The following PDE1A variants were observed in gnomAD, a reference collection of about 807,000 sequenced individuals.
PDE1A encodes the protein dual specificity calcium/calmodulin-dependent 3',5'-cyclic nucleotide phosphodiesterase 1A.
PDE1A carries 35 observed loss-of-function variants against 61.7 expected under a neutral mutation model. That is an observed-to-expected ratio of 0.57 (90% CI 0.43 to 0.75). The LOEUF (loss-of-function observed/expected upper bound fraction) is 0.75. Ranked by LOEUF, PDE1A falls within the 30% of genes least tolerant of loss-of-function variation. PDE1A has a pLI of 0.00. For synonymous variants in PDE1A, 232 were observed against 213.2 expected (o/e 1.09, Z -0.77); for missense variants, 597 against 630.6 (o/e 0.95, Z 0.57).
chr2:182,404,877 A>C (rs540883815), intron 1 of PDE1A, among the ~76,000 whole-genome samples: 3 of 152,326 alleles, frequency 2.0e-5, no homozygotes, highest in Admixed American at 6.5e-5. Context: ...TAACTTATTA[A>C]AAATATAAGT....
At chr2:182,190,880 C>T (rs1443851814) in intron 10 of PDE1A, among the ~76,000 whole-genome samples, 1 of 151,830 alleles carries the variant, frequency 6.6e-6, no homozygotes, top group Non-Finnish European at 1.5e-5. Flanking sequence ...CACTTGAACC[C>T]AAGAGGTAGA....
chr2:182,449,889 C>T (rs1685399636), intron 2 of PDE1A, among the ~76,000 whole-genome samples: 2 of 151,334 alleles, frequency 1.3e-5, no homozygotes, highest in African/African-American at 4.9e-5. Context: ...GAATTTTGAC[C>T]CCTCTATAGT....
chr2:182,692,709 A>G, the PDE1A span, among the ~76,000 whole-genome samples: 8 of 148,904 alleles, frequency 5.4e-5, no homozygotes, highest in Non-Finnish European at 1.2e-4. Context: ...TGTAATATAT[A>G]TAAAAGAAAG....
intron 1 of PDE1A, among the ~76,000 whole-genome samples, chr2:182,406,806 G>GA (rs937969634): frequency 2.0e-5 from 3 of 151,688 alleles, no homozygotes; most frequent in African/African-American, 7.3e-5. Flanking sequence ...TACAAGAAAT[G>GA]AAAAAAATGC....
chr2:182,271,594 T>A (rs1693030838), intron 1 of PDE1A, among the ~76,000 whole-genome samples: 1 of 152,130 alleles, frequency 6.6e-6, no homozygotes, highest in African/African-American at 2.4e-5. Flanking sequence ...AGAAATGCTT[T>A]CAAGATCAAT....
the PDE1A span, among the ~76,000 whole-genome samples, chr2:182,560,543 T>C: frequency 8.6e-5 from 13 of 151,446 alleles, no homozygotes; most frequent in African/African-American, 3.1e-4. Context: ...TGTGTCTTTA[T>C]AGCAGCATGA....
the PDE1A span, among the ~76,000 whole-genome samples, chr2:182,603,660 A>G: frequency 1.9e-4 from 29 of 152,246 alleles, no homozygotes; most frequent in African/African-American, 7.0e-4. Context: ...AAGAAGCTCA[A>G]GTAAAATGCA....
chr2:182,575,518 T>C, the PDE1A span, among the ~76,000 whole-genome samples: 1 of 151,608 alleles, frequency 6.6e-6, no homozygotes, highest in South Asian at 2.1e-4. Flanking sequence ...CAGAACATAA[T>C]GCCACAGGAA....
intron 2 of PDE1A, among the ~76,000 whole-genome samples, chr2:182,505,868 T>C (rs752460598): frequency 1.1e-4 from 16 of 152,174 alleles, no homozygotes; most frequent in Non-Finnish European, 2.1e-4. Context: ...AACAACATGA[T>C]AGAATTTCTG....
the PDE1A span, among the ~76,000 whole-genome samples, chr2:182,700,181 T>A: frequency 2.0e-5 from 3 of 152,244 alleles, no homozygotes; most frequent in South Asian, 6.2e-4. Flanking sequence ...AGTGATTTAC[T>A]CTCATGTTGG....
the PDE1A span, among the ~76,000 whole-genome samples, chr2:182,670,558 G>GA: frequency 6.6e-6 from 1 of 152,148 alleles, no homozygotes; most frequent in African/African-American, 2.4e-5. Flanking sequence ...TCACCTGGGG[G>GA]ATCTTGTTAA....
chr2:182,601,828 C>G, the PDE1A span, among the ~76,000 whole-genome samples: 1 of 152,192 alleles, frequency 6.6e-6, no homozygotes, highest in Admixed American at 6.5e-5. Context: ...GTCATTCCAT[C>G]ATCTGCTCAT....
Position 182,161,199 on chromosome 2 carries a change from AAGG to A in PDE1A, c.1517-14050_1517-14048del, listed in dbSNP as rs758788820. Among the ~76,000 whole-genome samples the A allele has an allele frequency of 2.6e-5, 4 of 152,274 alleles. No individual in the cohort carries two copies. In the East Asian group the frequency reaches 7.7e-4, roughly 29 times the overall value. ...CCTAAAAATTTCTAAGTGTGTCCTG[AAGG>A]AGAAGGAGAATCTCCTCTTCTTTAG... On this transcript the variant is annotated intron_variant, in intron 13 of 13. Transcript: ENST00000409365.
At chr2:182,599,398 A>C in the PDE1A span, among the ~76,000 whole-genome samples, 1 of 152,170 alleles carries the variant, frequency 6.6e-6, no homozygotes, top group Non-Finnish European at 1.5e-5. Context: ...CAGAAGCTAC[A>C]ATGCCTTTTA....
intron 1 of PDE1A, among the ~76,000 whole-genome samples, chr2:182,287,150 C>T (rs1694219133): frequency 6.6e-6 from 1 of 152,038 alleles, no homozygotes; most frequent in African/African-American, 2.4e-5. Flanking sequence ...CTGAAACAAA[C>T]TCTTCCCCTA....
intron 2 of PDE1A, among the ~76,000 whole-genome samples, chr2:182,498,985 GTTTTTGT>G (rs1688909540): frequency 6.6e-6 from 1 of 151,242 alleles, no homozygotes; most frequent in African/African-American, 2.4e-5. Context: ...GGTTTTTTTG[GTTTTTGT>G]TTTTTGTTTT....
intron 2 of PDE1A, among the ~76,000 whole-genome samples, chr2:182,453,133 A>T (rs142873645): frequency 9.2e-5 from 14 of 152,274 alleles, no homozygotes; most frequent in Non-Finnish European, 1.9e-4. Flanking sequence ...ATGGCCTAAA[A>T]ATGATCAGAT....
At chr2:182,167,813 A>C, downstream of PDE1A, 1 of 630,906 alleles carries the variant, frequency 1.6e-6, no homozygotes. Context: ...AAATGGTAGA[A>C]TTAATGTAAA....
the PDE1A span, among the ~76,000 whole-genome samples, chr2:182,679,621 G>A: frequency 6.6e-6 from 1 of 151,848 alleles, no homozygotes; most frequent in African/African-American, 2.4e-5. Flanking sequence ...TTTAAAAAAG[G>A]AAATGTAAAA....
Sources: gnomAD v4.1 joint callset for allele counts (sites outside exome capture counted in the v4.1 genomes callset) on GRCh38, gnomAD v4.1.1 for gene constraint, MANE v1.5 for transcripts, NCBI Gene and HGNC (gene_info 2026-07-23, HGNC 2026-07-21) for gene names.